NOC3L: variants seen among roughly 807,000 people sequenced by gnomAD.
The protein encoded by NOC3L is NOC3 like DNA replication regulator, also known as nucleolar complex protein 3 homolog.
A neutral mutation model predicts 102.5 loss-of-function variants in NOC3L; 85 were observed. The ratio of observed to expected loss-of-function variants is 0.83; its 90% CI spans 0.70 to 0.99. NOC3L has a LOEUF of 0.99. NOC3L is among the 50% of genes least tolerant of loss of function. The pLI is 0.00. For missense variants in NOC3L, 878 were observed against 914.9 expected, an observed-to-expected ratio of 0.96 and a Z score of 0.52; for synonymous variants, 303 against 309.4, an observed-to-expected ratio of 0.98 and a Z score of 0.22.
At chr10:94,322,882 G>A in the NOC3L span, among the ~76,000 whole-genome samples, 3 of 152,142 alleles carry the variant, frequency 2.0e-5, no homozygotes, top group Non-Finnish European at 4.4e-5. Context: ...CTTGAGCCTG[G>A]GAGGCAGAGG....
At chr10:94,346,329 A>G in intron 11 of NOC3L, 96 bp downstream of exon 11, 3 of 934,490 alleles carry the variant, frequency 3.2e-6, no homozygotes, top group Non-Finnish European at 4.5e-6. Context: ...TTTTATGTTT[A>G]TGATTTAACT....
chr10:94,349,839 A>G (rs2054393470), intron 9 of NOC3L, among the ~76,000 whole-genome samples: 1 of 152,048 alleles, frequency 6.6e-6, no homozygotes, highest in African/African-American at 2.4e-5. Context: ...GCTCACTGCA[A>G]GCTCTGCCTC....
the NOC3L span, chr10:94,315,478 G>A: frequency 4.4e-6 from 2 of 455,912 alleles, no homozygotes; most frequent in Admixed American, 2.4e-5. Context: ...TACAATATGA[G>A]TGAGAAAATA....
chr10:94,338,922 A>C (rs1375420619), intron 17 of NOC3L, among the ~76,000 whole-genome samples, 186 bp from the exon 18 acceptor site: 2 of 152,216 alleles, frequency 1.3e-5, no homozygotes, highest in South Asian at 2.1e-4. Context: ...TTGCAAAAAA[A>C]AATTTTATCT....
chr10:94,347,834 AATCAATAC>A (rs2054363333), intron 10 of NOC3L, among the ~76,000 whole-genome samples: 1 of 152,074 alleles, frequency 6.6e-6, no homozygotes, highest in Non-Finnish European at 1.5e-5. Flanking sequence ...CATCCAAACT[AATCAATAC>A]ATTGAATCGA....
chr10:94,360,010 C>T (rs1564919496), intron 2 of NOC3L, among the ~76,000 whole-genome samples: 1 of 152,158 alleles, frequency 6.6e-6, no homozygotes, highest in Non-Finnish European at 1.5e-5. Flanking sequence ...TGTTCATAAA[C>T]AGATGAATGG....
At chr10:94,362,679 G>A (rs1288769640) in intron 1 of NOC3L, 151 bp downstream of exon 1, 1 of 780,344 alleles carries the variant, frequency 1.3e-6, no homozygotes, top group Non-Finnish European at 2.2e-6. Flanking sequence ...GGTAACCAAG[G>A]ATGAGCTCGG....
chr10:94,350,083 G>A (rs2054396764), intron 9 of NOC3L, 30 bp downstream of exon 9: 2 of 1,609,586 alleles, frequency 1.2e-6, no homozygotes, highest in South Asian at 1.1e-5. Flanking sequence ...TTTCTAAGGA[G>A]GACAGCAATA....
At chr10:94,348,727 GAAC>G (rs2054378027) in intron 10 of NOC3L, among the ~76,000 whole-genome samples, 1 of 152,036 alleles carries the variant, frequency 6.6e-6, no homozygotes, top group Non-Finnish European at 1.5e-5. Flanking sequence ...AAATGTTTTT[GAAC>G]AACAATTTGA....
chr10:94,340,068 G>A, intron 16 of NOC3L, 148 bp from the exon 17 acceptor site: 1 of 765,210 alleles, frequency 1.3e-6, no homozygotes, highest in Non-Finnish European at 2.1e-6. Flanking sequence ...CTGCTAAGGA[G>A]ATACAGCGGG....
At chr10:94,349,423 G>A (rs372008374) in intron 9 of NOC3L, 45 bp from the exon 10 acceptor site, 2 of 1,532,584 alleles carry the variant, frequency 1.3e-6, no homozygotes, top group Non-Finnish European at 1.7e-6. Context: ...CTCAACCTTA[G>A]CACTACTGAC....
At chr10:94,340,853 C>T (rs991886473) in intron 14 of NOC3L, among the ~76,000 whole-genome samples, 8 of 150,902 alleles carry the variant, frequency 5.3e-5, no homozygotes, top group East Asian at 1.9e-4. Flanking sequence ...TGGTGGTGGG[C>T]GCCTGTAGTC....
rs758794855 is a variant in NOC3L at position 94,340,356 on chromosome 10, T to C, written c.1709-9A>G. ...AATATTCAGAACATCACCTTTGAAA[T>C]GACAACAAACACCAATTAGGTATGT... On this transcript the variant is annotated splice_polypyrimidine_tract_variant and intron_variant, in intron 15 of 20. Transcript: ENST00000371361. The C allele has an allele frequency of 1.2e-6, 2 of 1,612,820 alleles. No individual in the cohort carries two copies. The highest frequency in any genetic ancestry group is 1.7e-6 in the Non-Finnish European group (2 of 1,179,492).
chr10:94,331,124 T>C (rs182841565), downstream of NOC3L: 42 of 152,348 alleles, frequency 2.8e-4, 1 homozygote, highest in African/African-American at 9.6e-4. Flanking sequence ...GTAAAAGTTA[T>C]TTACAAATTC....
the NOC3L span, chr10:94,324,606 C>A: frequency 6.8e-7 from 1 of 1,472,034 alleles, no homozygotes; most frequent in Non-Finnish European, 9.5e-7. Context: ...CTTAAGTTAT[C>A]TGATACCCAT....
At chr10:94,358,620 C>G (rs1589578492) in intron 2 of NOC3L, among the ~76,000 whole-genome samples, 1 of 152,200 alleles carries the variant, frequency 6.6e-6, no homozygotes, top group Non-Finnish European at 1.5e-5. Context: ...CTTCTCATCT[C>G]CAATTACTTT....
chr10:94,328,063 C>T, the NOC3L span: 5 of 487,542 alleles, frequency 1.0e-5, no homozygotes, highest in South Asian at 7.7e-5. Context: ...GATTTCTGAA[C>T]TGAAGCCTTC....
In NOC3L at chr10:94,358,228, C is replaced by G; in HGVS notation, c.218-13G>C. On this transcript the variant is annotated splice_polypyrimidine_tract_variant and intron_variant, in intron 2 of 20. Transcript: ENST00000371361. ...TCAATCCTTTTACCTGTACCACACA[C>G]ACACACACACAAAGAAAAATTAGAA... 1 of 1,235,520 alleles carries G rather than the reference C, an allele frequency of 8.1e-7. No individual in the cohort carries two copies. The highest frequency in any genetic ancestry group is 1.2e-6 in the Non-Finnish European group (1 of 851,494). 76.5% of individuals were successfully genotyped at this position (1,235,520 alleles called of 1,614,324 possible).
At chr10:94,332,352 G>C (rs2133976216), downstream of NOC3L, 1 of 152,284 alleles carries the variant, frequency 6.6e-6, no homozygotes, top group South Asian at 2.1e-4. Context: ...ATTTGACTCA[G>C]CATGGAAGAC....
Sources: gnomAD v4.1 joint callset for allele counts (sites outside exome capture counted in the v4.1 genomes callset) on GRCh38, gnomAD v4.1.1 for gene constraint, MANE v1.5 for transcripts, NCBI Gene and HGNC (gene_info 2026-07-23, HGNC 2026-07-21) for gene names.